Variants in ZFHX3 observed in about 807,000 individuals in gnomAD.
The protein encoded by ZFHX3 is zinc finger homeobox protein 3.
Under a neutral mutation model 279.1 loss-of-function variants are expected in ZFHX3, and 42 were observed. The observed-to-expected ratio is 0.15, with a 90% CI of 0.12 to 0.19. ZFHX3 has a LOEUF of 0.19. Ranked by LOEUF, ZFHX3 falls within the 10% of genes least tolerant of loss-of-function variation. The pLI, the probability that ZFHX3 is intolerant of heterozygous loss-of-function variation, is 1.00. For missense variants in ZFHX3, 4,981 were observed against 4,754.0 expected (o/e 1.05, Z -1.40); for synonymous variants, 2,293 against 1,957.8 (o/e 1.17, Z -4.52).
At chr16:73,384,647 G>A (rs1230337544) in intron 3 of ZFHX3, among the ~76,000 whole-genome samples, 1 of 152,140 alleles carries the variant, frequency 6.6e-6, no homozygotes, top group Non-Finnish European at 1.5e-5. Flanking sequence ...CACCTCATAG[G>A]CCTCACTTAC....
At chr16:73,346,221 CT>C (rs1429130952) in intron 3 of ZFHX3, among the ~76,000 whole-genome samples, 3 of 152,144 alleles carry the variant, frequency 2.0e-5, no homozygotes, top group Non-Finnish European at 4.4e-5. Context: ...CTCTGCCTGC[CT>C]TTTGGAACTT....
chr16:73,452,803 T>A (rs916057378), intron 3 of ZFHX3, among the ~76,000 whole-genome samples: 1 of 152,248 alleles, frequency 6.6e-6, no homozygotes, highest in African/African-American at 2.4e-5. Context: ...AATTTTCATT[T>A]GGTACTGAAG....
At chr16:73,443,540 CT>C (rs1334988816) in intron 3 of ZFHX3, among the ~76,000 whole-genome samples, 1 of 152,154 alleles carries the variant, frequency 6.6e-6, no homozygotes, top group Non-Finnish European at 1.5e-5. Flanking sequence ...AAAGTTATTC[CT>C]TATGTCTTAC....
intron 1 of ZFHX3, among the ~76,000 whole-genome samples, chr16:73,761,998 T>C (rs2053873077): frequency 6.6e-6 from 1 of 152,026 alleles, no homozygotes; most frequent in Non-Finnish European, 1.5e-5. Context: ...CTAATTAAAC[T>C]GAAGAGCTTC....
intron 4 of ZFHX3, among the ~76,000 whole-genome samples, chr16:72,871,868 G>C (rs892662204): frequency 2.0e-5 from 3 of 152,070 alleles, no homozygotes; most frequent in African/African-American, 4.8e-5. Flanking sequence ...GGCAGATCAC[G>C]AGGTCACGAG....
At chr16:73,704,428 C>T (rs1360274094) in intron 1 of ZFHX3, among the ~76,000 whole-genome samples, 1 of 152,136 alleles carries the variant, frequency 6.6e-6, no homozygotes, top group South Asian at 2.1e-4. Context: ...TGAGGTTGGA[C>T]ATTTTAAATC....
At chr16:72,916,598 A>G (rs2039448265) in intron 3 of ZFHX3, among the ~76,000 whole-genome samples, 1 of 152,254 alleles carries the variant, frequency 6.6e-6, no homozygotes, top group Non-Finnish European at 1.5e-5. Context: ...ATATTTTAAT[A>G]CCAGGCAGTG....
chr16:73,756,862 G>A (rs750977118), intron 1 of ZFHX3, among the ~76,000 whole-genome samples: 5 of 151,970 alleles, frequency 3.3e-5, no homozygotes, highest in East Asian at 3.9e-4. Context: ...TAATAGTGCC[G>A]TGTATGTTAT....
At chr16:73,514,980 T>G (rs1227836092) in intron 2 of ZFHX3, among the ~76,000 whole-genome samples, 1 of 152,198 alleles carries the variant, frequency 6.6e-6, no homozygotes, top group Non-Finnish European at 1.5e-5. Flanking sequence ...TATTGATATT[T>G]CCATTTCTTT....
At chr16:73,771,174 C>G (rs2054013585) in intron 1 of ZFHX3, among the ~76,000 whole-genome samples, 1 of 152,168 alleles carries the variant, frequency 6.6e-6, no homozygotes, top group Admixed American at 6.5e-5. Flanking sequence ...AGAAAACAGG[C>G]AAGGGGTGAA....
At position 72,960,097 on chromosome 16, in the gene ZFHX3, C is replaced by T. The variant is rs376729347; in HGVS notation, c.49G>A (p.Gly17Ser). 152 of 1,607,860 alleles carry T rather than the reference C, an allele frequency of 9.5e-5. 2 individuals are homozygous for T. The Middle Eastern group carries it at 1.5e-3, about 16-fold the overall frequency. The change falls in exon 2 of 10, where the codon GGT becomes AGT. Residue 17 changes from glycine (G) to serine (S), a missense_variant. By Grantham distance (56) the Gly-to-Ser change is moderately conservative (BLOSUM62 0). This residue lies in a region of ZFHX3 where 1,068 missense variants were observed against 935.2 expected (regional missense o/e 1.14). Transcript: ENST00000268489. ...PVVSGKDNGC[G>S]IPQHQQWTEL... ...GTCCATTGCTGGTGCTGAGGGATACCGCACCCATTGTCCTTCCCCGAGACG... is the reference window on the plus strand; with the variant it reads ...GTCCATTGCTGGTGCTGAGGGATACTGCACCCATTGTCCTTCCCCGAGACG...
intron 5 of ZFHX3, among the ~76,000 whole-genome samples, chr16:73,167,612 G>C (rs1458742892): frequency 6.6e-6 from 1 of 152,076 alleles, no homozygotes. Flanking sequence ...GAGAACGTTG[G>C]GTAAGACAAT....
At chr16:73,131,525 G>C (rs1453510204) in intron 6 of ZFHX3, among the ~76,000 whole-genome samples, 3 of 152,200 alleles carry the variant, frequency 2.0e-5, no homozygotes, top group Non-Finnish European at 4.4e-5. Context: ...ACTTTTAAGA[G>C]GGGAACACAG....
chr16:73,616,743 G>A (rs192435900), intron 2 of ZFHX3, among the ~76,000 whole-genome samples: 1 of 152,076 alleles, frequency 6.6e-6, no homozygotes, highest in African/African-American at 2.4e-5. Flanking sequence ...AAATTCTTTC[G>A]AAAGACACAT....
At chr16:72,963,539 C>G (rs1961688666) in intron 1 of ZFHX3, among the ~76,000 whole-genome samples, 1 of 152,170 alleles carries the variant, frequency 6.6e-6, no homozygotes, top group South Asian at 2.1e-4. Context: ...ATCAAGTATC[C>G]CCCAACTCCT....
intron 3 of ZFHX3, among the ~76,000 whole-genome samples, chr16:72,932,752 G>T (rs909349663): frequency 5.9e-5 from 9 of 151,392 alleles, no homozygotes; most frequent in Non-Finnish European, 1.3e-4. Context: ...TAAAAATAAC[G>T]TCAGTTGTGT....
At chr16:73,010,606 C>G (rs1274430447) in intron 1 of ZFHX3, among the ~76,000 whole-genome samples, 3 of 152,176 alleles carry the variant, frequency 2.0e-5, no homozygotes, top group Non-Finnish European at 4.4e-5. Flanking sequence ...TCTCAGCCTC[C>G]TCCTCTCAGG....
intron 3 of ZFHX3, among the ~76,000 whole-genome samples, chr16:73,324,224 G>A (rs1482183200): frequency 6.6e-6 from 1 of 152,210 alleles, no homozygotes; most frequent in African/African-American, 2.4e-5. Context: ...ATTTGTCTGT[G>A]ATATTGCTGG....
chr16:73,661,083 T>G (rs559549144), intron 2 of ZFHX3, among the ~76,000 whole-genome samples: 1 of 152,346 alleles, frequency 6.6e-6, no homozygotes, highest in Non-Finnish European at 1.5e-5. Flanking sequence ...CTAAGGATCT[T>G]CATTTAACAT....
Sources: allele counts gnomAD v4.1 joint callset (sites outside exome capture counted in the v4.1 genomes callset), GRCh38; gene constraint gnomAD v4.1.1; regional missense constraint gnomAD v4.1.1; transcripts MANE v1.5; gene names NCBI Gene and HGNC (gene_info 2026-07-23, HGNC 2026-07-21).